Variants in TBC1D9 observed in about 807,000 individuals in gnomAD.
TBC1D9 encodes TBC1 domain family member 9.
TBC1D9 carries 63 observed loss-of-function variants against 132.0 expected under a neutral mutation model. The observed-to-expected ratio is 0.48, with a 90% CI of 0.39 to 0.59. The LOEUF (loss-of-function observed/expected upper bound fraction) is 0.59. Among genes scored for constraint, TBC1D9 ranks in the 20% least tolerant of loss-of-function variants. TBC1D9 has a pLI of 0.00. For missense variants in TBC1D9, 1,261 were observed against 1,592.7 expected, an observed-to-expected ratio of 0.79 and a Z score of 3.54; for synonymous variants, 610 against 609.9, an observed-to-expected ratio of 1.00 and a Z score of 0.00.
At chr4:140,668,813 T>G (rs535705654) in intron 9 of TBC1D9, 104 bp downstream of exon 9, 530 of 1,155,480 alleles carry the variant, frequency 4.6e-4, no homozygotes, top group Admixed American at 6.5e-4. Context: ...AACTGGGGGA[T>G]GCATATTTGA....
intron 13 of TBC1D9, chr4:140,644,934 C>T: frequency 2.2e-6 from 1 of 452,094 alleles, no homozygotes; most frequent in South Asian, 1.7e-5. Context: ...AGGGGCCATG[C>T]CCTAGTGCAG....
intron 13 of TBC1D9, among the ~76,000 whole-genome samples, chr4:140,652,743 T>G (rs550002813): frequency 1.3e-5 from 2 of 152,338 alleles, no homozygotes; most frequent in Admixed American, 6.5e-5. Flanking sequence ...GCCCCACACA[T>G]GGCAGGCTCT....
intron 1 of TBC1D9, among the ~76,000 whole-genome samples, chr4:140,739,678 C>T (rs1191001638): frequency 6.6e-6 from 1 of 152,060 alleles, no homozygotes; most frequent in Non-Finnish European, 1.5e-5. Flanking sequence ...TTCATTTGTA[C>T]ATATTACCAA....
rs1311587468 is a variant in TBC1D9, at chr4:140,738,917, C to T, written c.130+16999G>A. ...TTATATAACTATAATCCATGACAAACAATGGCCAATGACATCAAAACATGG... is the reference window on the plus strand; with the variant it reads ...TTATATAACTATAATCCATGACAAATAATGGCCAATGACATCAAAACATGG... On this transcript the variant is annotated intron_variant, in intron 1 of 20. Transcript: ENST00000442267. Among the ~76,000 whole-genome samples the T allele has an allele frequency of 3.9e-5, 6 of 152,190 alleles. No individual in the cohort carries two copies. The East Asian group carries it at 1.2e-3, about 29-fold the overall frequency.
At chr4:140,658,695 C>T (rs113909546) in intron 11 of TBC1D9, among the ~76,000 whole-genome samples, 20 of 151,784 alleles carry the variant, frequency 1.3e-4, no homozygotes, top group African/African-American at 4.8e-4. Context: ...CTGTATAGTC[C>T]CAGCTACTCA....
intron 13 of TBC1D9, among the ~76,000 whole-genome samples, chr4:140,641,110 A>C (rs1160501455): frequency 6.7e-6 from 1 of 150,274 alleles, no homozygotes; most frequent in Non-Finnish European, 1.5e-5. Flanking sequence ...AAAAACAAAA[A>C]AAAACAGAAG....
chr4:140,712,050 GCAAA>G (rs1207163747), intron 1 of TBC1D9: 1 of 151,998 alleles, frequency 6.6e-6, no homozygotes, highest in Admixed American at 6.5e-5. Context: ...ATGCCATCAA[GCAAA>G]CAGACAGTTA....
At chr4:140,631,115 A>G (rs1736787898) in intron 16 of TBC1D9, among the ~76,000 whole-genome samples, 1 of 152,196 alleles carries the variant, frequency 6.6e-6, no homozygotes, top group African/African-American at 2.4e-5. Context: ...TATTTATCCA[A>G]TGACCGGCTG....
chr4:140,632,973 T>C (rs1736821331), intron 16 of TBC1D9, among the ~76,000 whole-genome samples: 1 of 152,212 alleles, frequency 6.6e-6, no homozygotes, highest in Admixed American at 6.5e-5. Context: ...GTCCCCTCTT[T>C]TAAGCGTATA....
chr4:140,736,210 G>A (rs188769953), intron 1 of TBC1D9, among the ~76,000 whole-genome samples: 24 of 151,588 alleles, frequency 1.6e-4, no homozygotes, highest in African/African-American at 5.5e-4. Context: ...GGAGACAGTG[G>A]GCTCAGAGGA....
At position 140,667,085 on chromosome 4, in the gene TBC1D9, G is replaced by A. The variant is rs546886082; in HGVS notation, c.1588+1832C>T. 9.2e-5 allele frequency among the ~76,000 whole-genome samples: 14 copies of A among 152,304 alleles called. 1 individual carries two copies. The South Asian group carries it at 2.3e-3, about 25-fold the overall frequency. ...GGTACAGAGTTCAGGTCATGATGCC[G>A]TCACCCTAAGGGTCACAGGAAGCAG... On this transcript the variant is annotated intron_variant, in intron 9 of 20. Coordinates refer to ENST00000442267, the MANE Select transcript of TBC1D9 (RefSeq NM_015130.3).
At chr4:140,641,742 A>C (rs1321284354) in intron 13 of TBC1D9, 1 of 180,516 alleles carries the variant, frequency 5.5e-6, no homozygotes, top group Non-Finnish European at 1.2e-5. Flanking sequence ...TATTATCACA[A>C]CGATACAGTA....
At chr4:140,644,926 G>T (rs1192676339) in intron 13 of TBC1D9, 4 of 447,216 alleles carry the variant, frequency 8.9e-6, no homozygotes, top group Non-Finnish European at 1.8e-5. Flanking sequence ...GGGAACGCAG[G>T]GGCCATGCCC....
chr4:140,667,876 T>C (rs1030599833), intron 9 of TBC1D9, among the ~76,000 whole-genome samples: 4 of 152,262 alleles, frequency 2.6e-5, no homozygotes, highest in Non-Finnish European at 5.9e-5. Context: ...ATACATCTCA[T>C]TATGGGCATT....
chr4:140,643,968 G>A, intron 13 of TBC1D9: 1 of 591,780 alleles, frequency 1.7e-6, no homozygotes. Context: ...CTCCTGTTCA[G>A]CCAGCGGCTC....
chr4:140,642,274 C>A, intron 13 of TBC1D9: 1 of 706,372 alleles, frequency 1.4e-6, no homozygotes. Flanking sequence ...CTGCTCACTT[C>A]GGAGGCAAAC....
rs570999433 is a variant in TBC1D9 at position 140,673,714 on chromosome 4, A to G, written c.1060-2788T>C. ...CTTGATTTCTAAATGCTACCTCTGCAGACTGCCTCTCTTCTGATTTACCCT... is the reference window on the plus strand; with the variant it reads ...CTTGATTTCTAAATGCTACCTCTGCGGACTGCCTCTCTTCTGATTTACCCT... On this transcript the variant is annotated intron_variant, in intron 6 of 20. Transcript: ENST00000442267. 2.6e-5 allele frequency among the ~76,000 whole-genome samples: 4 copies of G among 152,314 alleles called. No individual in the cohort carries two copies. In the East Asian group the frequency reaches 7.7e-4, roughly 29 times the overall value.
At chr4:140,629,674 A>G (rs1349611245) in intron 16 of TBC1D9, among the ~76,000 whole-genome samples, 4 of 152,230 alleles carry the variant, frequency 2.6e-5, no homozygotes, top group African/African-American at 9.6e-5. Context: ...TCCCTCTGGA[A>G]TGAGTTCAGA....
intron 1 of TBC1D9, among the ~76,000 whole-genome samples, chr4:140,746,972 G>A (rs2111083541): frequency 6.6e-6 from 1 of 152,056 alleles, no homozygotes; most frequent in East Asian, 1.9e-4. Flanking sequence ...TTTGAGACCA[G>A]CCTGGGCAAT....
Sources: gnomAD v4.1 joint callset for allele counts (sites outside exome capture counted in the v4.1 genomes callset) on GRCh38, gnomAD v4.1.1 for gene constraint, MANE v1.5 for transcripts, NCBI Gene and HGNC (gene_info 2026-07-23, HGNC 2026-07-21) for gene names.